Variants in DLG2 observed in about 807,000 individuals in gnomAD.
The protein encoded by DLG2 is disks large homolog 2.
DLG2 carries 45 observed loss-of-function variants against 132.5 expected under a neutral mutation model. The ratio of observed to expected loss-of-function variants is 0.34; its 90% CI spans 0.27 to 0.44. The LOEUF (loss-of-function observed/expected upper bound fraction) is 0.44, where lower values mean the gene tolerates loss of function less well. Among genes scored for constraint, DLG2 ranks in the 20% least tolerant of loss-of-function variants. The pLI, the probability that DLG2 is intolerant of heterozygous loss-of-function variation, is 1.00. For synonymous variants in DLG2, 424 were observed against 419.6 expected (o/e 1.01, Z -0.13); for missense variants, 1,045 against 1,196.9 (o/e 0.87, Z 1.87).
At chr11:83,522,757 A>C (rs2095513060) in intron 21 of DLG2, among the ~76,000 whole-genome samples, 1 of 151,750 alleles carries the variant, frequency 6.6e-6, no homozygotes, top group Non-Finnish European at 1.5e-5. Context: ...TATTTGCTCC[A>C]GGTCATGTAG....
chr11:85,470,363 G>C (rs2092945142), intron 3 of DLG2, among the ~76,000 whole-genome samples: 1 of 152,118 alleles, frequency 6.6e-6, no homozygotes, highest in South Asian at 2.1e-4. Flanking sequence ...AGGCCACAAA[G>C]GATTTGCACA....
chr11:83,571,592 CAA>C (rs71066051), intron 19 of DLG2, among the ~76,000 whole-genome samples: 43,608 of 113,464 alleles, frequency 0.38, 6,637 homozygotes, highest in Admixed American at 0.52. Flanking sequence ...GACTCCGTCT[CAA>C]AAAAAAAAAA....
At chr11:84,311,160 T>TGCCTA (rs2154387996) in intron 7 of DLG2, among the ~76,000 whole-genome samples, 1 of 152,304 alleles carries the variant, frequency 6.6e-6, no homozygotes, top group East Asian at 1.9e-4. Context: ...TCTGGACAGT[T>TGCCTA]GCCTAGCCTA....
intron 15 of DLG2, among the ~76,000 whole-genome samples, chr11:83,888,917 A>G (rs2068808611): frequency 6.6e-6 from 1 of 152,230 alleles, no homozygotes; most frequent in African/African-American, 2.4e-5. Flanking sequence ...AGAAAGCTGA[A>G]ACTGGATCTC....
At chr11:83,933,837 GA>G (rs986841010) in intron 14 of DLG2, among the ~76,000 whole-genome samples, 5 of 151,696 alleles carry the variant, frequency 3.3e-5, no homozygotes, top group Non-Finnish European at 2.9e-5. Flanking sequence ...AAGAAAGAGA[GA>G]AAAAAAAGGC....
intron 11 of DLG2, among the ~76,000 whole-genome samples, chr11:84,055,324 C>T (rs1310801966): frequency 1.3e-5 from 2 of 152,098 alleles, no homozygotes; most frequent in Admixed American, 6.6e-5. Context: ...GATCTCTGCT[C>T]TCACTTCTGC....
chr11:84,101,515 A>T (rs1394001760), intron 9 of DLG2, among the ~76,000 whole-genome samples: 1 of 151,600 alleles, frequency 6.6e-6, no homozygotes, highest in African/African-American at 2.4e-5. Context: ...GCCTTCATGG[A>T]TATTCAAAGC....
intron 4 of DLG2, among the ~76,000 whole-genome samples, chr11:85,265,427 G>A (rs1453976269): frequency 6.6e-6 from 1 of 152,096 alleles, no homozygotes; most frequent in Non-Finnish European, 1.5e-5. Flanking sequence ...AAGTAAATAG[G>A]GGAAACAGAA....
chr11:85,094,072 T>A (rs1219390945), intron 6 of DLG2, among the ~76,000 whole-genome samples: 1 of 152,236 alleles, frequency 6.6e-6, no homozygotes, highest in Non-Finnish European at 1.5e-5. Flanking sequence ...AACTTTAGGA[T>A]TTTAATCTTT....
intron 18 of DLG2, among the ~76,000 whole-genome samples, chr11:83,644,769 G>A (rs998419963): frequency 6.6e-6 from 1 of 151,870 alleles, no homozygotes; most frequent in Non-Finnish European, 1.5e-5. Flanking sequence ...CTAAAAAATT[G>A]TTCCCCTAAT....
At chr11:83,850,149 TGTGTGTGTG>T (rs2059425863) in intron 16 of DLG2, among the ~76,000 whole-genome samples, 1 of 133,566 alleles carries the variant, frequency 7.5e-6, no homozygotes, top group African/African-American at 3.3e-5. Context: ...TGTGTGTGTG[TGTGTGTGTG>T]TGTTTTTTTA....
At chr11:84,158,722 G>A (rs2095483779) in intron 9 of DLG2, among the ~76,000 whole-genome samples, 1 of 152,134 alleles carries the variant, frequency 6.6e-6, no homozygotes, top group South Asian at 2.1e-4. Context: ...TAACTTATTT[G>A]TCATTGGGTA....
chr11:84,614,375 A>C (rs2099600528), intron 6 of DLG2, among the ~76,000 whole-genome samples: 1 of 152,202 alleles, frequency 6.6e-6, no homozygotes, highest in Non-Finnish European at 1.5e-5. Flanking sequence ...GGGCAAAAGA[A>C]GACATGTAAA....
chr11:85,468,705 A>AGAAATT (rs2092886685), intron 3 of DLG2, among the ~76,000 whole-genome samples: 2 of 152,142 alleles, frequency 1.3e-5, no homozygotes, highest in Admixed American at 6.5e-5. Flanking sequence ...GTTCTTTTAC[A>AGAAATT]TTTGCTGAGG....
intron 3 of DLG2, among the ~76,000 whole-genome samples, chr11:85,360,795 T>A (rs2084083647): frequency 6.6e-6 from 1 of 152,208 alleles, no homozygotes; most frequent in Non-Finnish European, 1.5e-5. Context: ...CCCTTCTCAA[T>A]AAAATCTCTC....
At chr11:83,593,509 G>T (rs1217501208) in intron 19 of DLG2, among the ~76,000 whole-genome samples, 1 of 151,924 alleles carries the variant, frequency 6.6e-6, no homozygotes, top group Admixed American at 6.6e-5. Flanking sequence ...TTGGCGGAGG[G>T]GGGAGGGATA....
At chr11:84,557,838 G>A (rs2099415006) in intron 6 of DLG2, among the ~76,000 whole-genome samples, 1 of 151,990 alleles carries the variant, frequency 6.6e-6, no homozygotes, top group Admixed American at 6.6e-5. Context: ...TAGACTATAT[G>A]CATCTTCAAT....
chr11:85,170,071 G>C (rs1268707151), intron 4 of DLG2, among the ~76,000 whole-genome samples: 1 of 152,148 alleles, frequency 6.6e-6, no homozygotes, highest in Non-Finnish European at 1.5e-5. Context: ...TTCAATAAAA[G>C]TTTATATATT....
At chr11:85,183,197 C>G (rs1384655933) in intron 4 of DLG2, among the ~76,000 whole-genome samples, 1 of 151,770 alleles carries the variant, frequency 6.6e-6, no homozygotes, top group African/African-American at 2.4e-5. Flanking sequence ...ATGGAATCAG[C>G]TTTGGGCACC....
Sources: allele counts gnomAD v4.1 joint callset (sites outside exome capture counted in the v4.1 genomes callset), GRCh38; gene constraint gnomAD v4.1.1; transcripts MANE v1.5; gene names NCBI Gene and HGNC (gene_info 2026-07-23, HGNC 2026-07-21).